OBP2B: variants seen among roughly 807,000 people sequenced by gnomAD.
The protein encoded by OBP2B is odorant-binding protein 2b.
A neutral mutation model predicts 21.7 loss-of-function variants in OBP2B; 10 were observed. The ratio of observed to expected loss-of-function variants is 0.46; its 90% CI spans 0.28 to 0.78. The LOEUF is 0.78. Ranked by LOEUF, OBP2B falls within the 30% of genes least tolerant of loss-of-function variation. The pLI, the probability that OBP2B is intolerant of heterozygous loss-of-function variation, is 0.11. For synonymous variants in OBP2B, 73 were observed against 91.5 expected (o/e 0.80, Z 1.16); for missense variants, 153 against 217.7 (o/e 0.70, Z 1.87).
the OBP2B span, among the ~76,000 whole-genome samples, chr9:133,217,308 A>C: frequency 2.0e-5 from 3 of 152,312 alleles, no homozygotes; most frequent in Non-Finnish European, 4.4e-5. Flanking sequence ...GCCAGCTATC[A>C]ATGTCTTGCC....
At chr9:133,222,528 G>A in the OBP2B span, among the ~76,000 whole-genome samples, 1 of 152,172 alleles carries the variant, frequency 6.6e-6, no homozygotes, top group African/African-American at 2.4e-5. Context: ...AGGAGTTCAA[G>A]ATCAGCCTGG....
chr9:133,212,210 G>A (rs1833922916), upstream of OBP2B, among the ~76,000 whole-genome samples: 1 of 152,100 alleles, frequency 6.6e-6, no homozygotes, highest in Non-Finnish European at 1.5e-5. Context: ...AGAACTGAAA[G>A]GAGAAATTTA....
the OBP2B span, among the ~76,000 whole-genome samples, chr9:133,219,916 C>T: frequency 6.6e-6 from 1 of 152,108 alleles, no homozygotes; most frequent in Non-Finnish European, 1.5e-5. Context: ...TGGTATTATC[C>T]ACACAATGAA....
At chr9:133,222,589 G>T in the OBP2B span, among the ~76,000 whole-genome samples, 2 of 152,218 alleles carry the variant, frequency 1.3e-5, no homozygotes, top group East Asian at 1.9e-4. Context: ...TTAGCCGGGC[G>T]TGGAGGCACG....
At chr9:133,206,473 G>A (rs1373829596) in intron 4 of OBP2B, 57 bp from the exon 5 acceptor site, 1 of 1,604,572 alleles carries the variant, frequency 6.2e-7, no homozygotes, top group Non-Finnish European at 8.5e-7. Flanking sequence ...GCCCTGCAGG[G>A]AGCAGATGCC....
upstream of OBP2B, among the ~76,000 whole-genome samples, chr9:133,211,920 T>G (rs1211626371): frequency 6.6e-6 from 1 of 152,216 alleles, no homozygotes; most frequent in Non-Finnish European, 1.5e-5. Context: ...GCAAAGTGAA[T>G]TAAAAGCCAT....
rs3983366 is a variant in OBP2B, at chr9:133,207,760, C to T, written c.277+373G>A. 41 of 982,142 alleles carry T rather than the reference C, an allele frequency of 4.2e-5. No individual in the cohort carries two copies. The African/African-American group carries it at 6.6e-4, about 16-fold the overall frequency. 60.8% of individuals were successfully genotyped at this position (982,142 alleles called of 1,614,324 possible). A position where few individuals can be genotyped will look rare whatever the true frequency, so the allele number is the denominator to read the frequency against. ...ACCCTTGGCCCCCGTCCCTAACCCT[C>T]AGCCTCCCCATCCTTAACCCTCAGC... On this transcript the variant is annotated intron_variant, in intron 3 of 6. Coordinates refer to ENST00000372034, the MANE Select transcript of OBP2B (RefSeq NM_014581.4).
the OBP2B span, among the ~76,000 whole-genome samples, chr9:133,219,778 C>T: frequency 6.6e-6 from 1 of 152,176 alleles, no homozygotes; most frequent in Admixed American, 6.5e-5. Flanking sequence ...CCCAGGTATA[C>T]ACCCAGGAGA....
intron 3 of OBP2B, 127 bp downstream of exon 3, chr9:133,208,006 C>T: frequency 1.3e-6 from 2 of 1,516,572 alleles, no homozygotes; most frequent in Non-Finnish European, 1.8e-6. Flanking sequence ...AGGCCAGCCC[C>T]TCCTTGGAGG....
At chr9:133,208,436 G>A (rs538887287) in intron 2 of OBP2B, 33 bp downstream of exon 2, 1 of 1,605,782 alleles carries the variant, frequency 6.2e-7, no homozygotes, top group South Asian at 1.1e-5. Flanking sequence ...GAGCGAAAGT[G>A]GCCTGAGGGG....
chr9:133,209,461 C>G (rs568739022), upstream of OBP2B, among the ~76,000 whole-genome samples: 1 of 152,162 alleles, frequency 6.6e-6, no homozygotes, highest in South Asian at 2.1e-4. This position sits in a 1 kb window ranked among gnomAD's most constrained non-coding sequence, Gnocchi z 6.0. Context: ...ACCACCCGAA[C>G]GCGCCCACTC....
intron 4 of OBP2B, 102 bp from the exon 5 acceptor site, chr9:133,206,518 G>C (rs1433137386): frequency 7.4e-6 from 11 of 1,484,022 alleles, no homozygotes; most frequent in African/African-American, 2.8e-5. Context: ...ACCAGGACAG[G>C]GGGAGAGGCC....
chr9:133,215,426 T>C, the OBP2B span, among the ~76,000 whole-genome samples: 39,524 of 152,176 alleles, frequency 0.26, 5,800 homozygotes, highest in Non-Finnish European at 0.34. Flanking sequence ...TATTCTAACA[T>C]TTATATGGAA....
the OBP2B span, among the ~76,000 whole-genome samples, chr9:133,214,767 G>A: frequency 1.3e-5 from 2 of 152,218 alleles, no homozygotes; most frequent in Admixed American, 6.5e-5. Flanking sequence ...AAGGCTGAAA[G>A]CAAGAAAGGA....
upstream of OBP2B, among the ~76,000 whole-genome samples, chr9:133,212,511 T>C (rs1833926251): frequency 1.3e-5 from 2 of 152,208 alleles, no homozygotes; most frequent in Non-Finnish European, 2.9e-5. Context: ...TATAAATCAA[T>C]GCCAGAAAGA....
chr9:133,216,149 A>C, the OBP2B span, among the ~76,000 whole-genome samples: 122 of 151,682 alleles, frequency 8.0e-4, 2 homozygotes, highest in Admixed American at 3.3e-4. Flanking sequence ...ATAAAAAGAC[A>C]AGCCAAAGAC....
At chr9:133,206,663 G>A (rs781918717) in intron 4 of OBP2B, among the ~76,000 whole-genome samples, 1 of 150,072 alleles carries the variant, frequency 6.7e-6, no homozygotes, top group Non-Finnish European at 1.5e-5. Flanking sequence ...GATGGCCATA[G>A]CCCAGCACCG....
At chr9:133,220,657 G>A in the OBP2B span, among the ~76,000 whole-genome samples, 1 of 151,598 alleles carries the variant, frequency 6.6e-6, no homozygotes, top group Non-Finnish European at 1.5e-5. Context: ...TCCCCCATGT[G>A]TAGACGGAAT....
At chr9:133,208,247 A>C (rs781848073) in intron 2 of OBP2B, 44 bp from the exon 3 acceptor site, 3 of 1,610,494 alleles carry the variant, frequency 1.9e-6, no homozygotes, top group Non-Finnish European at 2.5e-6. Flanking sequence ...CAGGACACCC[A>C]TGGCCCATCC....
Sources: allele counts gnomAD v4.1 joint callset (sites outside exome capture counted in the v4.1 genomes callset), GRCh38; gene constraint gnomAD v4.1.1; non-coding constraint Gnocchi (gnomAD v3.1); transcripts MANE v1.5; gene names NCBI Gene and HGNC (gene_info 2026-07-23, HGNC 2026-07-21).